SCIMP: variants seen among roughly 807,000 people sequenced by gnomAD.
The protein encoded by SCIMP is SLP adaptor and CSK interacting membrane protein, also known as SLP adapter and CSK-interacting membrane protein.
In SCIMP, 18 loss-of-function variants were observed where a neutral mutation model predicts 22.0. The observed-to-expected ratio is 0.82, with a 90% CI of 0.56 to 1.21. The LOEUF is 1.21. SCIMP is among the 50% of genes most tolerant of loss of function. The pLI, the probability that SCIMP is intolerant of heterozygous loss-of-function variation, is 0.00. For missense variants in SCIMP, 155 were observed against 171.2 expected, an observed-to-expected ratio of 0.91 and a Z score of 0.53; for synonymous variants, 53 against 62.2, an observed-to-expected ratio of 0.85 and a Z score of 0.70.
intron 2 of SCIMP, among the ~76,000 whole-genome samples, chr17:5,222,543 G>T (rs2074616278): frequency 6.6e-6 from 1 of 152,218 alleles, no homozygotes; most frequent in African/African-American, 2.4e-5. Context: ...GTCTGAGGGT[G>T]CCAAGAGGTT....
At chr17:5,219,834 A>G (rs996874596) in intron 3 of SCIMP, among the ~76,000 whole-genome samples, 1 of 152,152 alleles carries the variant, frequency 6.6e-6, no homozygotes, top group Non-Finnish European at 1.5e-5. Flanking sequence ...CTGTACTCCA[A>G]GGCTCAGGTG....
intron 1 of SCIMP, among the ~76,000 whole-genome samples, chr17:5,225,466 A>G (rs2074640342): frequency 6.6e-6 from 1 of 151,962 alleles, no homozygotes; most frequent in Admixed American, 6.6e-5. Flanking sequence ...CTCCATCTCA[A>G]AACAAAAGCA....
At chr17:5,234,697 G>A in intron 1 of SCIMP, 38 bp downstream of exon 1, 2 of 1,607,196 alleles carry the variant, frequency 1.2e-6, no homozygotes, top group Non-Finnish European at 1.7e-6. Flanking sequence ...GCTGTGAAGA[G>A]AGCAGGAAAC....
chr17:5,212,770 A>G (rs988866843), intron 4 of SCIMP, among the ~76,000 whole-genome samples: 1 of 152,356 alleles, frequency 6.6e-6, no homozygotes, highest in African/African-American at 2.4e-5. Flanking sequence ...TTATTTATCT[A>G]TCCAATCAAA....
At chr17:5,218,156 G>A (rs897291987) in intron 3 of SCIMP, among the ~76,000 whole-genome samples, 5 of 151,762 alleles carry the variant, frequency 3.3e-5, no homozygotes, top group Non-Finnish European at 7.4e-5. Flanking sequence ...CTCCCAAGTA[G>A]CTGGGACTAC....
intron 1 of SCIMP, among the ~76,000 whole-genome samples, chr17:5,232,392 A>G (rs2641239): frequency 0.15 from 1,215 of 8,370 alleles, no homozygotes; most frequent in African/African-American, 0.24. Context: ...ACAGTGCAGT[A>G]TAAACAGTAT....
chr17:5,211,007 T>G, intron 4 of SCIMP, 52 bp from the exon 5 acceptor site: 1 of 1,560,110 alleles, frequency 6.4e-7, no homozygotes, highest in Non-Finnish European at 8.6e-7. Context: ...TGTTTTTATA[T>G]TTTTGAAGGC....
rs149142499 is a variant in SCIMP, at chr17:5,220,267, A to G, written c.209+1020T>C. 6.6e-5 allele frequency among the ~76,000 whole-genome samples: 10 copies of G among 152,170 alleles called. No individual in the cohort carries two copies. The East Asian group carries it at 1.7e-3, about 26-fold the overall frequency. ...CGCTGGGCCCAGAACACAGAGCCCA[A>G]CCTGTGACCTTTGTCAGAATAGATG... On this transcript the variant is annotated intron_variant, in intron 3 of 4. Coordinates refer to ENST00000574081, the MANE Select transcript of SCIMP (RefSeq NM_207103.3).
At chr17:5,220,454 AG>A (rs1448657801) in intron 3 of SCIMP, among the ~76,000 whole-genome samples, 1 of 146,600 alleles carries the variant, frequency 6.8e-6, no homozygotes, top group African/African-American at 2.5e-5. Flanking sequence ...AAAAAAAAAA[AG>A]AGGCTGGGTG....
intron 3 of SCIMP, among the ~76,000 whole-genome samples, chr17:5,217,231 AAG>A (rs1442777379): frequency 2.6e-5 from 4 of 152,132 alleles, no homozygotes; most frequent in Admixed American, 1.3e-4. Flanking sequence ...CATTCAGAAA[AAG>A]GGGTCTACTC....
intron 3 of SCIMP, among the ~76,000 whole-genome samples, chr17:5,217,026 G>C (rs1263355722): frequency 6.6e-6 from 1 of 152,084 alleles, no homozygotes; most frequent in Non-Finnish European, 1.5e-5. Context: ...AACATTTTTA[G>C]GTTGTTAGGT....
In SCIMP at chr17:5,223,353, C is replaced by T; in HGVS notation, c.125G>A (p.Cys42Tyr). 2 of 1,613,816 alleles carry T rather than the reference C, an allele frequency of 1.2e-6. No individual in the cohort carries two copies. The highest frequency in any genetic ancestry group is 8.5e-7 in the Non-Finnish European group (1 of 1,179,920). ...ATTACCTCGTCTAAGCTGCCACTTA[C>T]AGACACAGTACAGGATGAGGCCCAG... ...VGLGLILYCV[C>Y]KWQLRRGKKW... The change falls in exon 2 of 5, where the codon TGT becomes TAT. Residue 42 changes from cysteine to tyrosine, a missense_variant. Transcript: ENST00000574081.
chr17:5,221,231 G>A (rs760658915), intron 3 of SCIMP, 56 bp downstream of exon 3: 47 of 1,280,214 alleles, frequency 3.7e-5, no homozygotes, highest in Non-Finnish European at 5.4e-5. Flanking sequence ...GGGCAAGGGT[G>A]GAAGGGAACA....
intron 2 of SCIMP, among the ~76,000 whole-genome samples, chr17:5,221,785 C>A (rs1342459255): frequency 6.6e-6 from 1 of 152,014 alleles, no homozygotes; most frequent in Non-Finnish European, 1.5e-5. Context: ...ACTATTTTCT[C>A]CCCCCAGACA....
At chr17:5,211,783 C>T (rs1040105755) in intron 4 of SCIMP, among the ~76,000 whole-genome samples, 2 of 152,094 alleles carry the variant, frequency 1.3e-5, no homozygotes, top group African/African-American at 4.8e-5. Context: ...GAGGCTGGGG[C>T]GCGGTGGCTT....
At chr17:5,234,565 A>G (rs888727262) in intron 1 of SCIMP, 170 bp downstream of exon 1, 6 of 667,458 alleles carry the variant, frequency 9.0e-6, no homozygotes, top group African/African-American at 3.6e-5. Flanking sequence ...AGATCCTTCA[A>G]TGCAAGTTTT....
Position 5,229,691 on chromosome 17 carries a change from C to T in SCIMP, c.21+5044G>A, listed in dbSNP as rs145395882. On this transcript the variant is annotated intron_variant, in intron 1 of 4. Transcript: ENST00000574081. ...GATTACAGGCATGAGCCACTGCGTC[C>T]GGCGTATTTAGCATTTTTAAAAGAA... Among the ~76,000 whole-genome samples the T allele has an allele frequency of 8.2e-4, 124 of 150,872 alleles. 1 individual carries two copies. The highest frequency in any genetic ancestry group is 2.7e-3 in the African/African-American group (112 of 40,948).
intron 4 of SCIMP, 27 bp downstream of exon 4, chr17:5,214,898 A>T (rs1030725006): frequency 3.0e-6 from 4 of 1,311,564 alleles, no homozygotes; most frequent in Non-Finnish European, 4.4e-6. Flanking sequence ...ACCCTAAATG[A>T]AACTGCTACC....
At chr17:5,223,217 A>C (rs936086135) in intron 2 of SCIMP, 116 bp downstream of exon 2, 13 of 1,108,294 alleles carry the variant, frequency 1.2e-5, no homozygotes, top group Non-Finnish European at 1.6e-5. Context: ...CAAGATGCTT[A>C]ATCCAAAATT....
Sources: gnomAD v4.1 joint callset for allele counts (sites outside exome capture counted in the v4.1 genomes callset) on GRCh38, gnomAD v4.1.1 for gene constraint, MANE v1.5 for transcripts, NCBI Gene and HGNC (gene_info 2026-07-23, HGNC 2026-07-21) for gene names.